CHD4: variants seen among roughly 807,000 people sequenced by gnomAD.
CHD4 encodes chromodomain helicase DNA binding protein 4.
A neutral mutation model predicts 235.5 loss-of-function variants in CHD4; 35 were observed. That is an observed-to-expected ratio of 0.15 (90% CI 0.11 to 0.20). The LOEUF is 0.20. Ranked by LOEUF, CHD4 falls within the 10% of genes least tolerant of loss-of-function variation. CHD4 has a pLI of 1.00. For synonymous variants in CHD4, 900 were observed against 850.2 expected (o/e 1.06, Z -1.02); for missense variants, 1,329 against 2,432.3 (o/e 0.55, Z 9.54).
intron 37 of CHD4, among the ~76,000 whole-genome samples, chr12:6,575,178 T>G (rs1204682011): frequency 6.6e-6 from 1 of 152,186 alleles, no homozygotes; most frequent in Non-Finnish European, 1.5e-5. Flanking sequence ...TTGGGTGCAG[T>G]GGCTCACACT....
intron 2 of CHD4, among the ~76,000 whole-genome samples, chr12:6,603,855 T>A (rs1387624819): frequency 6.6e-6 from 1 of 152,110 alleles, no homozygotes; most frequent in East Asian, 1.9e-4. Context: ...CCAAAAGATT[T>A]AGTTTGAGGA....
chr12:6,605,192 G>A (rs548076806), intron 2 of CHD4, among the ~76,000 whole-genome samples: 2 of 152,284 alleles, frequency 1.3e-5, no homozygotes, highest in Admixed American at 1.3e-4. Flanking sequence ...GAAGGCAGAA[G>A]TGAATGATGC....
intron 29 of CHD4, 132 bp from the exon 30 acceptor site, chr12:6,582,413 G>A (rs867343752): frequency 2.3e-6 from 3 of 1,317,674 alleles, no homozygotes; most frequent in East Asian, 2.3e-5. Flanking sequence ...CCACTGCACG[G>A]GAAGGCTGAT....
Position 6,577,665 on chromosome 12 carries a change from C to T in CHD4, c.5361+120G>A, listed in dbSNP as rs1256520548. 3 of 1,355,416 alleles carry T rather than the reference C, an allele frequency of 2.2e-6. No individual in the cohort carries two copies. The African/African-American group carries it at 4.3e-5, about 20-fold the overall frequency. 84.0% of individuals were successfully genotyped at this position (1,355,416 alleles called of 1,614,324 possible). ...ATGTGTAAGTTACTTGGGAGCAAAG[C>T]CTTCCATAGAATGAAGAAAGTGAGA... On this transcript the variant is annotated intron_variant, in intron 37 of 39. Coordinates refer to ENST00000544040, the MANE Select transcript of CHD4 (RefSeq NM_001273.5).
rs868490369 is a variant in CHD4, at chr12:6,589,487, G to A, written c.3341-1065C>T. Among the ~76,000 whole-genome samples the A allele has an allele frequency of 3.3e-5, 5 of 152,124 alleles. No homozygotes were observed. In the East Asian group the frequency reaches 9.7e-4, roughly 29 times the overall value. ...GATGAACTGAAAAGGACACATCATC[G>A]ACTGGGCGTGGTGGCTCACGCCTGT... On this transcript the variant is annotated intron_variant, in intron 22 of 39. Transcript: ENST00000544040.
chr12:6,580,715 A>AAAAAAACAAAC (rs1053835079), intron 33 of CHD4: 47 of 226,970 alleles, frequency 2.1e-4, no homozygotes, highest in African/African-American at 6.1e-4. Flanking sequence ...AAAAAAAAAA[A>AAAAAAACAAAC]AAAAAAAAAA....
At chr12:6,589,007 C>T (rs887302519) in intron 22 of CHD4, among the ~76,000 whole-genome samples, 2 of 151,920 alleles carry the variant, frequency 1.3e-5, no homozygotes, top group Admixed American at 6.6e-5. Context: ...CAACACTTTG[C>T]GAGGCTGAGG....
chr12:6,598,988 G>A (rs554486369), intron 10 of CHD4, among the ~76,000 whole-genome samples: 5 of 152,264 alleles, frequency 3.3e-5, no homozygotes, highest in African/African-American at 1.2e-4. Flanking sequence ...TCTGGACATC[G>A]TCCAGGATTT....
At chr12:6,584,698 G>A (rs1223571155) in intron 25 of CHD4, 3 of 152,094 alleles carry the variant, frequency 2.0e-5, no homozygotes, top group Admixed American at 6.6e-5. Flanking sequence ...TGTGTATTTT[G>A]AACTATGTAA....
rs1948418872 is a variant in CHD4 at position 6,592,521 on chromosome 12, C to T, written c.2820G>A (p.Glu940=). 2 of 1,609,118 alleles carry T rather than the reference C, an allele frequency of 1.2e-6. No homozygotes were observed. Among genetic ancestry groups the T allele is most frequent in the East Asian group, 2.2e-5 (1 of 44,720 alleles). The change falls in exon 19 of 40, where the codon GAG becomes GAA. Residue 940 remains glutamate (E), a synonymous_variant. Coordinates refer to ENST00000544040, the MANE Select transcript of CHD4 (RefSeq NM_001273.5). ...TGTCATGCAGTTTTTTTATCTGGTC[C>T]TCCTTGGCAATGTCAGCAAACTCCT... ...FLEEFADIAK[E]DQIKKLHDML...
At chr12:6,594,149 TA>T (rs1948445809) in intron 15 of CHD4, among the ~76,000 whole-genome samples, 2 of 152,304 alleles carry the variant, frequency 1.3e-5, no homozygotes, top group South Asian at 4.1e-4. Context: ...CTTTCCATAC[TA>T]ATTCTACTCA....
In CHD4 at chr12:6,583,579, C is replaced by T. The variant is rs1948230724; in HGVS notation, c.3880-201G>A. On this transcript the variant is annotated intron_variant, in intron 25 of 39. Coordinates refer to ENST00000544040, the MANE Select transcript of CHD4 (RefSeq NM_001273.5). ...TCATAATTACATATAGATTAGCAGT[C>T]AGCATAACTCAAGAAAAACATGGGA... The T allele has an allele frequency of 5.9e-6, 3 of 508,428 alleles. No individual in the cohort carries two copies. In the South Asian group the frequency reaches 1.1e-4, roughly 18 times the overall value. 31.5% of individuals were successfully genotyped at this position (508,428 alleles called of 1,614,324 possible).
At position 6,581,875 on chromosome 12, in the gene CHD4, G is replaced by A. The variant is rs539140334; in HGVS notation, c.4516-61C>T. 1.4e-5 allele frequency: 21 copies of A among 1,481,206 alleles called. 1 individual carries two copies. The South Asian group carries it at 2.9e-4, about 21-fold the overall frequency. The allele number at this position is 1,481,206 out of a possible 1,614,324, so 91.8% of individuals were successfully genotyped here. A position where few individuals can be genotyped will look rare whatever the true frequency, so the allele number is the denominator to read the frequency against. On this transcript the variant is annotated intron_variant, in intron 30 of 39. Coordinates refer to ENST00000544040, the MANE Select transcript of CHD4 (RefSeq NM_001273.5). Reference sequence around the variant, plus strand: ...CCAGCTACAGGCTCCTTTCCTATTGGCCTTCCAGTCTCCGCCTCCCGGGTT... The same window carrying A: ...CCAGCTACAGGCTCCTTTCCTATTGACCTTCCAGTCTCCGCCTCCCGGGTT...
intron 33 of CHD4, chr12:6,580,519 C>A (rs7309207): frequency 0.15 from 23,281 of 152,534 alleles, 1,906 homozygotes; most frequent in African/African-American, 0.2. Flanking sequence ...CTGGCCTGAC[C>A]AATATGGAGA....
At chr12:6,571,945 G>C (rs1276620262) in intron 38 of CHD4, 1 of 149,916 alleles carries the variant, frequency 6.7e-6, no homozygotes, top group African/African-American at 2.5e-5. Flanking sequence ...TGGGCAACAA[G>C]AGCAAAACTC....
At chr12:6,573,398 C>T (rs1948013428) in intron 37 of CHD4, 129 bp from the exon 38 acceptor site, 5 of 639,740 alleles carry the variant, frequency 7.8e-6, no homozygotes, top group Middle Eastern at 8.3e-4. Flanking sequence ...TCATGGACAG[C>T]TCATTCCCAC....
chr12:6,590,263 A>G (rs957217668), intron 22 of CHD4: 3 of 152,254 alleles, frequency 2.0e-5, no homozygotes, highest in South Asian at 2.1e-4. Context: ...AGGAAGCACA[A>G]TAACTAAATG....
Position 6,600,272 on chromosome 12 carries a change from C to A in CHD4, c.1187G>T (p.Cys396Phe). ...AGCCTTCTCCATGTCGGGATCCAGG[C>A]AGACCATGTGGTAAGCACGGGGACA... ...DTCPRAYHMV[C>F]LDPDMEKAPE... Residue 396 changes from cysteine to phenylalanine, a missense_variant, in exon 9 of 40, where the codon TGC becomes TTC. By Grantham distance (205) the Cys-to-Phe change is radical. This residue lies in a region of CHD4 where 13 missense variants were observed against 56.5 expected (regional missense o/e 0.23). Coordinates refer to ENST00000544040, the MANE Select transcript of CHD4 (RefSeq NM_001273.5). 1 of 1,614,206 alleles carries A rather than the reference C, an allele frequency of 6.2e-7. No individual in the cohort carries two copies. Among genetic ancestry groups the A allele is most frequent in the Non-Finnish European group, 8.5e-7 (1 of 1,180,046 alleles).
chr12:6,606,436 A>C lies in CHD4; in HGVS notation c.-63T>G. 3.9e-6 allele frequency: 4 copies of C among 1,013,632 alleles called. No homozygotes were observed. The highest frequency in any genetic ancestry group is 4.4e-6 in the Non-Finnish European group (3 of 684,686). 62.8% of individuals were successfully genotyped at this position (1,013,632 alleles called of 1,614,324 possible). On this transcript the variant is annotated 5_prime_UTR_variant, in exon 2 of 40. Coordinates refer to ENST00000544040, the MANE Select transcript of CHD4 (RefSeq NM_001273.5). ...TCCTGCCGGCGGCCTGAGGACCTCT[A>C]CACTGGCCCGAGTCACTGTGCGGGG...
Sources: allele counts gnomAD v4.1 joint callset (sites outside exome capture counted in the v4.1 genomes callset), GRCh38; gene constraint gnomAD v4.1.1; regional missense constraint gnomAD v4.1.1; transcripts MANE v1.5; gene names NCBI Gene and HGNC (gene_info 2026-07-23, HGNC 2026-07-21).